CAMKMT: variants seen among roughly 807,000 people sequenced by gnomAD.
CAMKMT encodes CaM KMT.
A neutral mutation model predicts 48.0 loss-of-function variants in CAMKMT; 53 were observed. That is an observed-to-expected ratio of 1.10 (90% CI 0.89 to 1.39). CAMKMT has a LOEUF of 1.39. Ranked by LOEUF, CAMKMT falls within the 40% of genes most tolerant of loss-of-function variation. CAMKMT has a pLI of 0.00. For missense variants in CAMKMT, 428 were observed against 402.7 expected, an observed-to-expected ratio of 1.06 and a Z score of -0.54; for synonymous variants, 165 against 152.3, an observed-to-expected ratio of 1.08 and a Z score of -0.61.
chr2:44,703,491 T>C (rs1413164584), intron 3 of CAMKMT, among the ~76,000 whole-genome samples: 2 of 152,092 alleles, frequency 1.3e-5, no homozygotes, highest in South Asian at 2.1e-4. Context: ...AAGAAAGACA[T>C]AATTGTGGCC....
At chr2:44,468,569 G>GGA (rs1668249240) in intron 3 of CAMKMT, among the ~76,000 whole-genome samples, 13 of 152,280 alleles carry the variant, frequency 8.5e-5, no homozygotes, top group Middle Eastern at 6.8e-3. Context: ...TTGCAGCACT[G>GGA]TTCATAGTAG....
At chr2:44,728,204 G>A (rs558662249) in intron 7 of CAMKMT, among the ~76,000 whole-genome samples, 2 of 152,166 alleles carry the variant, frequency 1.3e-5, no homozygotes, top group African/African-American at 4.8e-5. Flanking sequence ...GGGATTACAG[G>A]CGTGATCCAG....
At chr2:44,771,512 A>C (rs914409715) in intron 10 of CAMKMT, among the ~76,000 whole-genome samples, 1 of 152,146 alleles carries the variant, frequency 6.6e-6, no homozygotes, top group Admixed American at 6.6e-5. Flanking sequence ...TCCTCAGAGA[A>C]AAGAATTTTT....
intron 3 of CAMKMT, among the ~76,000 whole-genome samples, chr2:44,466,928 CATATAACCTACCAAG>C (rs1352784737): frequency 6.6e-6 from 1 of 152,084 alleles, no homozygotes; most frequent in Non-Finnish European, 1.5e-5. Flanking sequence ...TTTCTAGAAA[CATATAACCTACCAAG>C]ACTGAATCAC....
rs553230279 is a variant in CAMKMT at position 44,701,741 on chromosome 2, A to G, written c.377-2542A>G. Among the ~76,000 whole-genome samples the G allele has an allele frequency of 3.9e-5, 6 of 152,354 alleles. No individual in the cohort carries two copies. In the East Asian group the frequency reaches 7.7e-4, roughly 20 times the overall value. On this transcript the variant is annotated intron_variant, in intron 3 of 10. Coordinates refer to ENST00000378494, the MANE Select transcript of CAMKMT (RefSeq NM_024766.5). Reference sequence around the variant, plus strand: ...AAACTGGTTAAATGAATTCTGATTCACACATAGAATGTCTAAGCAATCATT... The same window carrying G: ...AAACTGGTTAAATGAATTCTGATTCGCACATAGAATGTCTAAGCAATCATT...
At chr2:44,576,327 T>TAAAA (rs569571059) in intron 3 of CAMKMT, among the ~76,000 whole-genome samples, 3 of 76,670 alleles carry the variant, frequency 3.9e-5, no homozygotes, top group Non-Finnish European at 5.6e-5. Context: ...AAACTCTGTC[T>TAAAA]AAAAAAAAAA....
At chr2:44,408,562 T>A (rs1331673675) in intron 3 of CAMKMT, among the ~76,000 whole-genome samples, 1 of 152,120 alleles carries the variant, frequency 6.6e-6, no homozygotes, top group Non-Finnish European at 1.5e-5. Flanking sequence ...AAGAGTTAAG[T>A]GAGTTGCTCA....
intron 3 of CAMKMT, among the ~76,000 whole-genome samples, chr2:44,551,047 G>C (rs1667687175): frequency 6.6e-6 from 1 of 152,120 alleles, no homozygotes; most frequent in African/African-American, 2.4e-5. Flanking sequence ...ATTGTAAAAA[G>C]TCTCATCTAT....
intron 3 of CAMKMT, among the ~76,000 whole-genome samples, chr2:44,571,257 T>C (rs189047161): frequency 1.3e-5 from 2 of 152,346 alleles, no homozygotes; most frequent in Admixed American, 1.3e-4. Context: ...CAGAGGGTTT[T>C]GTTGTGTTTG....
intron 3 of CAMKMT, among the ~76,000 whole-genome samples, chr2:44,412,063 C>G (rs1683241367): frequency 7.4e-6 from 1 of 134,560 alleles, no homozygotes; most frequent in Non-Finnish European, 1.5e-5. Flanking sequence ...AGCCAGGACT[C>G]TTCTAGGATA....
At chr2:44,663,749 A>G (rs1674806139) in intron 3 of CAMKMT, among the ~76,000 whole-genome samples, 1 of 152,200 alleles carries the variant, frequency 6.6e-6, no homozygotes, top group Admixed American at 6.5e-5. Flanking sequence ...TTCTCAAGGT[A>G]CCATCTTGTT....
At chr2:44,735,325 C>G (rs149595872) in intron 7 of CAMKMT, among the ~76,000 whole-genome samples, 1 of 152,146 alleles carries the variant, frequency 6.6e-6, no homozygotes, top group African/African-American at 2.4e-5. Context: ...TTAATTGGAG[C>G]GTTCAGACCA....
intron 3 of CAMKMT, among the ~76,000 whole-genome samples, chr2:44,459,054 T>G (rs1667720629): frequency 6.6e-6 from 1 of 152,056 alleles, no homozygotes; most frequent in Non-Finnish European, 1.5e-5. Flanking sequence ...ACTAACTTAT[T>G]GTGGGATCTG....
intron 3 of CAMKMT, among the ~76,000 whole-genome samples, chr2:44,584,953 G>T (rs902220517): frequency 6.6e-6 from 1 of 152,008 alleles, no homozygotes; most frequent in East Asian, 1.9e-4. Context: ...TACTTGGGAG[G>T]CTGAGGCAGG....
intron 3 of CAMKMT, among the ~76,000 whole-genome samples, chr2:44,666,895 A>G (rs969285987): frequency 1.3e-5 from 2 of 152,194 alleles, no homozygotes; most frequent in Non-Finnish European, 2.9e-5. Context: ...GGTGTGAGCT[A>G]CCACGCCCAG....
chr2:44,424,573 G>A (rs188711660), intron 3 of CAMKMT, among the ~76,000 whole-genome samples: 6 of 152,190 alleles, frequency 3.9e-5, no homozygotes, highest in African/African-American at 9.6e-5. Context: ...CAGGCCTGAC[G>A]GAATACTTCT....
intron 3 of CAMKMT, among the ~76,000 whole-genome samples, chr2:44,631,144 A>G (rs2103968131): frequency 6.6e-6 from 1 of 152,332 alleles, no homozygotes; most frequent in African/African-American, 2.4e-5. Flanking sequence ...AACTATCGCA[A>G]GAACAAAAAA....
intron 8 of CAMKMT, among the ~76,000 whole-genome samples, chr2:44,750,966 T>C (rs1272498400): frequency 6.6e-6 from 1 of 152,076 alleles, no homozygotes; most frequent in East Asian, 1.9e-4. Flanking sequence ...TGAGTCAAGA[T>C]TGTGCCACTG....
intron 3 of CAMKMT, among the ~76,000 whole-genome samples, chr2:44,662,077 T>C (rs1186676887): frequency 6.6e-6 from 1 of 152,222 alleles, no homozygotes; most frequent in Non-Finnish European, 1.5e-5. Context: ...CCCAACTTAA[T>C]CAGAGACTAA....
Sources: allele counts gnomAD v4.1 joint callset (sites outside exome capture counted in the v4.1 genomes callset), GRCh38; gene constraint gnomAD v4.1.1; transcripts MANE v1.5; gene names NCBI Gene and HGNC (gene_info 2026-07-23, HGNC 2026-07-21).